NINL: variants seen among roughly 807,000 people sequenced by gnomAD.
NINL encodes ninein-like protein.
A neutral mutation model predicts 160.3 loss-of-function variants in NINL; 153 were observed. That is an observed-to-expected ratio of 0.95 (90% CI 0.84 to 1.09). The LOEUF is 1.09. Ranked by LOEUF, NINL falls within the 50% of genes least tolerant of loss-of-function variation. The probability of loss-of-function intolerance (pLI) is 0.00; values close to 1 mark genes in which losing one functional copy is unlikely to be tolerated. For missense variants in NINL, 1,829 were observed against 1,764.0 expected (o/e 1.04, Z -0.66); for synonymous variants, 800 against 734.8 (o/e 1.09, Z -1.43).
intron 13 of NINL, among the ~76,000 whole-genome samples, chr20:25,483,343 AAAAAAG>A (rs1449230905): frequency 6.6e-5 from 10 of 152,228 alleles, no homozygotes; most frequent in East Asian, 1.9e-4. Flanking sequence ...AACAAAAAAA[AAAAAAG>A]AAAAGAAAAG....
At chr20:25,494,021 C>T (rs1324329222) in intron 10 of NINL, among the ~76,000 whole-genome samples, 1 of 152,012 alleles carries the variant, frequency 6.6e-6, no homozygotes, top group Non-Finnish European at 1.5e-5. Flanking sequence ...GCCAGTGGCA[C>T]CAAGAACGTA....
At chr20:25,530,566 GTTCTT>G (rs759163196) in intron 1 of NINL, among the ~76,000 whole-genome samples, 37 of 152,012 alleles carry the variant, frequency 2.4e-4, no homozygotes, top group Non-Finnish European at 4.9e-4. Flanking sequence ...TTTCACATAG[GTTCTT>G]TTCTATTTTC....
At chr20:25,579,984 A>G (rs1293818378) in intron 1 of NINL, among the ~76,000 whole-genome samples, 1 of 152,138 alleles carries the variant, frequency 6.6e-6, no homozygotes, top group African/African-American at 2.4e-5. Flanking sequence ...TAGAAACTCC[A>G]ACAAACCAAA....
At chr20:25,480,483 T>G (rs1278194425) in intron 14 of NINL, among the ~76,000 whole-genome samples, 1 of 152,172 alleles carries the variant, frequency 6.6e-6, no homozygotes, top group African/African-American at 2.4e-5. Context: ...GCTCCCCACA[T>G]GATTCACAGG....
rs1001346475 is a variant in NINL at position 25,470,016 on chromosome 20, C to T, written c.3328G>A (p.Ala1110Thr). 2 of 1,614,042 alleles carry T rather than the reference C, an allele frequency of 1.2e-6. No homozygotes were observed. Among genetic ancestry groups the T allele is most frequent in the Non-Finnish European group, 1.7e-6 (2 of 1,179,986 alleles). Residue 1110 changes from alanine to threonine, a missense_variant, in exon 18 of 24, where the codon GCA becomes ACA. Transcript: ENST00000278886. ...CTCTGTGCATCGTGAGTACTTTCTG[C>T]AGCTTCAAGCTCTTGCCGAACCCTT... ...LGRVRQELEA[A>T]ESTHDAQRKE...
At chr20:25,510,449 C>T (rs1206712386) in intron 5 of NINL, among the ~76,000 whole-genome samples, 2 of 152,236 alleles carry the variant, frequency 1.3e-5, no homozygotes, top group African/African-American at 4.8e-5. Flanking sequence ...GCCTCTGCCC[C>T]TGGGTCTGAC....
intron 17 of NINL, among the ~76,000 whole-genome samples, chr20:25,472,324 G>GAGATATATAT (rs1491225365): frequency 4.8e-5 from 4 of 83,956 alleles, no homozygotes; most frequent in South Asian, 8.9e-4. Flanking sequence ...GGGAGGAGAG[G>GAGATATATAT]ATATATATAT....
At chr20:25,559,471 C>T (rs1568966076) in intron 1 of NINL, among the ~76,000 whole-genome samples, 1 of 152,140 alleles carries the variant, frequency 6.6e-6, no homozygotes, top group African/African-American at 2.4e-5. Context: ...GATCTCTTGA[C>T]CTCGTAATCT....
chr20:25,561,761 C>T (rs1351112810), intron 1 of NINL, among the ~76,000 whole-genome samples: 193 of 151,050 alleles, frequency 1.3e-3, no homozygotes, highest in African/African-American at 4.5e-3. Context: ...TCTGCCCAGC[C>T]GCCCCGTCTG....
In NINL at chr20:25,479,017, C is replaced by G. The variant is rs781399245; in HGVS notation, c.2107G>C (p.Gly703Arg). ...LQEQLQDTAR[G>R]PEPEQMGLAP... ...AGGCCCATCTGCTCAGGCTCGGGGC[C>G]GCGGGCTGTGTCCTGCAGCTGCTCC... Residue 703 changes from glycine to arginine, a missense_variant, in exon 16 of 24, where the codon GGC becomes CGC. Physicochemically the swap from Gly to Arg is moderately radical, Grantham distance 125. Transcript: ENST00000278886. 6.2e-7 allele frequency: 1 copy of G among 1,609,344 alleles called. No individual in the cohort carries two copies. The highest frequency in any genetic ancestry group is 1.7e-5 in the Admixed American group (1 of 60,004).
chr20:25,524,137 G>A (rs957630300), intron 2 of NINL, among the ~76,000 whole-genome samples: 2 of 152,146 alleles, frequency 1.3e-5, no homozygotes, highest in Non-Finnish European at 2.9e-5. Flanking sequence ...TGGGAGCTCT[G>A]CCCTGTCTGT....
intron 1 of NINL, among the ~76,000 whole-genome samples, chr20:25,573,613 T>C (rs73337369): frequency 0.087 from 13,314 of 152,254 alleles, 956 homozygotes; most frequent in African/African-American, 0.2. Flanking sequence ...CAGAATTGCC[T>C]GTCAACCTAA....
At chr20:25,552,702 C>A (rs1015867269) in intron 1 of NINL, among the ~76,000 whole-genome samples, 1 of 152,158 alleles carries the variant, frequency 6.6e-6, no homozygotes, top group Non-Finnish European at 1.5e-5. Flanking sequence ...GCTGAGAGGT[C>A]CTGGAAAGAA....
chr20:25,488,274 G>A (rs923624426), intron 13 of NINL, among the ~76,000 whole-genome samples: 1 of 152,272 alleles, frequency 6.6e-6, no homozygotes, highest in East Asian at 1.9e-4. Flanking sequence ...GGCCCAGGCT[G>A]GAGTACAGTG....
chr20:25,484,670 G>A (rs145710738), intron 13 of NINL, among the ~76,000 whole-genome samples: 8 of 152,340 alleles, frequency 5.3e-5, no homozygotes, highest in African/African-American at 1.7e-4. Context: ...GGACGGACAG[G>A]ATTTCTCTAG....
chr20:25,520,313 T>C (rs2146931160), intron 2 of NINL, among the ~76,000 whole-genome samples: 1 of 152,254 alleles, frequency 6.6e-6, no homozygotes, highest in Non-Finnish European at 1.5e-5. Context: ...CACCACTAAG[T>C]GTTGGAGAAG....
chr20:25,580,410 T>C (rs145731591), intron 1 of NINL, among the ~76,000 whole-genome samples: 1 of 152,238 alleles, frequency 6.6e-6, no homozygotes, highest in Non-Finnish European at 1.5e-5. Flanking sequence ...TGGTATATCC[T>C]AGAGGTTCTC....
chr20:25,518,462 AAG>A (rs1388010251), intron 2 of NINL, among the ~76,000 whole-genome samples: 5 of 152,192 alleles, frequency 3.3e-5, no homozygotes, highest in Middle Eastern at 3.2e-3. Flanking sequence ...TTTTCACCTT[AAG>A]GTCCATTTTC....
At chr20:25,579,986 C>T (rs1473953204) in intron 1 of NINL, among the ~76,000 whole-genome samples, 8 of 152,062 alleles carry the variant, frequency 5.3e-5, no homozygotes, top group South Asian at 2.1e-4. Flanking sequence ...GAAACTCCAA[C>T]AAACCAAAAT....
Sources: gnomAD v4.1 joint callset for allele counts (sites outside exome capture counted in the v4.1 genomes callset) on GRCh38, gnomAD v4.1.1 for gene constraint, MANE v1.5 for transcripts, NCBI Gene and HGNC (gene_info 2026-07-23, HGNC 2026-07-21) for gene names.